The following VWA5B1 variants were observed in gnomAD, a reference collection of about 807,000 sequenced individuals.
VWA5B1 encodes the protein von Willebrand factor A domain-containing protein 5B1.
In VWA5B1, 115 loss-of-function variants were observed where a neutral mutation model predicts 118.2. The observed-to-expected ratio is 0.97, with a 90% CI of 0.84 to 1.14. VWA5B1 has a LOEUF of 1.14. Among genes scored for constraint, VWA5B1 ranks in the 50% most tolerant of loss-of-function variants. The pLI, the probability that VWA5B1 is intolerant of heterozygous loss-of-function variation, is 0.00. For synonymous variants in VWA5B1, 682 were observed against 658.4 expected, an observed-to-expected ratio of 1.04 and a Z score of -0.55; for missense variants, 1,596 against 1,603.8, an observed-to-expected ratio of 1.00 and a Z score of 0.08.
chr1:20,314,602 C>G lies in VWA5B1; in HGVS notation c.563+10C>G. 1 of 1,549,874 alleles carries G rather than the reference C, an allele frequency of 6.5e-7. No homozygotes were observed. The highest frequency in any genetic ancestry group is 8.7e-7 in the Non-Finnish European group (1 of 1,146,036). ...ACCAACAGGCCCAGGGGTAAGGAAG[C>G]CCTGCCCAGACCAATCAGAGTCCCA... On this transcript the variant is annotated intron_variant, in intron 4 of 21. Coordinates refer to ENST00000289815, the MANE Select transcript of VWA5B1 (RefSeq NM_001039500.3).
chr1:20,330,388 C>A lies in VWA5B1; in HGVS notation c.1457+6C>A, dbSNP rs566674041. On this transcript the variant is annotated splice_donor_region_variant and intron_variant, in intron 10 of 21. Coordinates refer to ENST00000289815, the MANE Select transcript of VWA5B1 (RefSeq NM_001039500.3). The stretch of plus-strand genomic sequence containing the variant: ...AATCACGCCTTCTCCACCAGGTCGG[C>A]CTTGGCTGAGGGTCTAGGCTCGGTG... 1 of 1,551,576 alleles carries A rather than the reference C, an allele frequency of 6.4e-7. No homozygotes were observed. Among genetic ancestry groups the A allele is most frequent in the Non-Finnish European group, 8.7e-7 (1 of 1,146,944 alleles).
At chr1:20,297,386 T>A (rs1008724947) in intron 1 of VWA5B1, among the ~76,000 whole-genome samples, 24 of 152,168 alleles carry the variant, frequency 1.6e-4, no homozygotes, top group African/African-American at 5.8e-4. Flanking sequence ...CAAGCACACA[T>A]TGGCTTTGAA....
chr1:20,354,499 A>G lies in VWA5B1; in HGVS notation c.*236A>G. On this transcript the variant is annotated 3_prime_UTR_variant, in exon 22 of 22. Transcript: ENST00000289815. Reference sequence around the variant, plus strand: ...GGGCCTCAGTTTCCTCATCTATAAAATAAGAGGGCGAGATGAAGGAGGTGG... The same window carrying G: ...GGGCCTCAGTTTCCTCATCTATAAAGTAAGAGGGCGAGATGAAGGAGGTGG... 1.8e-6 allele frequency: 1 copy of G among 561,070 alleles called. No individual in the cohort carries two copies. Among genetic ancestry groups the G allele is most frequent in the Non-Finnish European group, 3.1e-6 (1 of 319,544 alleles). The allele number at this position is 561,070 out of a possible 1,614,324, so 34.8% of individuals were successfully genotyped here. A position where few individuals can be genotyped will look rare whatever the true frequency, so the allele number is the denominator to read the frequency against.
At chr1:20,312,604 C>G (rs1396322545) in intron 2 of VWA5B1, among the ~76,000 whole-genome samples, 1 of 152,194 alleles carries the variant, frequency 6.6e-6, no homozygotes, top group African/African-American at 2.4e-5. Flanking sequence ...GAAGTTCTGG[C>G]CACACCAGGC....
intron 18 of VWA5B1, among the ~76,000 whole-genome samples, chr1:20,349,799 G>A (rs2090088338): frequency 6.7e-6 from 1 of 149,040 alleles, no homozygotes. Flanking sequence ...CTTAGCAATG[G>A]ACTAAGCACT....
rs145193241 is a variant in VWA5B1, at chr1:20,319,501, C to A, written c.961C>A (p.Arg321=). ...GATGAAGAAGAAGAGCAGAGCAGAG[C>A]GGAAGGTGAGGGCAACTGAGGTGGG... is the stretch of plus-strand genomic sequence containing the variant. ...KGMKKKSRAE[R]KTEIIRKRLH... The change falls in exon 7 of 22, where the codon CGG becomes AGG. Residue 321 remains arginine, a synonymous_variant. Transcript: ENST00000289815. 20 of 1,551,566 alleles carry A rather than the reference C, an allele frequency of 1.3e-5. No homozygotes were observed. In the Admixed American group the frequency reaches 2.4e-4, roughly 18 times the overall value.
chr1:20,318,568 C>T, intron 5 of VWA5B1, 22 bp from the exon 6 acceptor site: 1 of 1,551,152 alleles, frequency 6.4e-7, no homozygotes, highest in Non-Finnish European at 8.7e-7. Context: ...CTATATCCCC[C>T]TTGCCTTTCT....
intron 1 of VWA5B1, among the ~76,000 whole-genome samples, chr1:20,299,529 A>G (rs1015324321): frequency 5.9e-5 from 9 of 152,080 alleles, no homozygotes; most frequent in Non-Finnish European, 7.4e-5. Context: ...TTAGCCTCCC[A>G]AGTAGCTGGG....
At chr1:20,295,142 C>A (rs1275263023) in intron 1 of VWA5B1, among the ~76,000 whole-genome samples, 5 of 152,028 alleles carry the variant, frequency 3.3e-5, no homozygotes, top group Non-Finnish European at 7.4e-5. Context: ...AGGGACCCAG[C>A]AGGATGAGTA....
chr1:20,328,244 A>AGT lies in VWA5B1; in HGVS notation c.1254+255_1254+256dup, dbSNP rs1329049850. Among the ~76,000 whole-genome samples, 6 of 151,926 alleles carry AGT rather than the reference A, an allele frequency of 3.9e-5. No individual in the cohort carries two copies. In the South Asian group the frequency reaches 1.0e-3, roughly 26 times the overall value. ...TAGAATCAAACAATATTTTGGGCAA[A>AGT]GTGTGTGTGTGTACAGAAATGAGGT... On this transcript the variant is annotated intron_variant, in intron 9 of 21. Transcript: ENST00000289815.
intron 1 of VWA5B1, among the ~76,000 whole-genome samples, chr1:20,301,995 G>T (rs538096768): frequency 6.6e-6 from 1 of 152,132 alleles, no homozygotes. Flanking sequence ...CTTTTCACAC[G>T]CTTAGCCCAG....
intron 1 of VWA5B1, among the ~76,000 whole-genome samples, chr1:20,291,358 T>TTTCTCTC (rs2088297601): frequency 8.1e-6 from 1 of 123,720 alleles, no homozygotes; most frequent in Non-Finnish European, 1.6e-5. Context: ...TCTTTCTTTC[T>TTTCTCTC]TTCTCTCTCT....
Position 20,354,262 on chromosome 1 carries a change from A to G in VWA5B1, c.3647A>G (p.Ter1216TrpextTer32). 1 of 1,394,070 alleles carries G rather than the reference A, an allele frequency of 7.2e-7. No individual in the cohort carries two copies. Among genetic ancestry groups the G allele is most frequent in the Non-Finnish European group, 9.6e-7 (1 of 1,036,456 alleles). The allele number at this position is 1,394,070 out of a possible 1,614,324, so 86.4% of individuals were successfully genotyped here. A position where few individuals can be genotyped will look rare whatever the true frequency, so the allele number is the denominator to read the frequency against. The change falls in exon 22 of 22, where the codon TAG (stop) becomes TGG (tryptophan). Residue 1216 changes from the stop codon to tryptophan (W), a stop_lost. Transcript: ENST00000289815. The stretch of plus-strand genomic sequence containing the variant: ...CTCTGCTATAACCCGAATTATGTGT[A>G]GTTGAGTGACGGGGAGGCTGGGTGG... ...NMLCYNPNYV[*>W]
intron 9 of VWA5B1, among the ~76,000 whole-genome samples, chr1:20,328,997 C>T (rs903368650): frequency 2.6e-5 from 4 of 152,148 alleles, no homozygotes; most frequent in Non-Finnish European, 5.9e-5. Context: ...ACGCAGCAGT[C>T]TATCATGAAT....
chr1:20,341,283 G>A (rs1210914508), intron 14 of VWA5B1, among the ~76,000 whole-genome samples: 2 of 152,134 alleles, frequency 1.3e-5, no homozygotes, highest in East Asian at 3.8e-4. Flanking sequence ...CTTGCACATC[G>A]ATATTTGCAC....
intron 19 of VWA5B1, 29 bp downstream of exon 19, chr1:20,350,259 A>C (rs1000173985): frequency 5.8e-6 from 9 of 1,550,180 alleles, no homozygotes; most frequent in Non-Finnish European, 7.0e-6. Flanking sequence ...CTGCCTCTTC[A>C]TCAAGATGGT....
At chr1:20,347,444 CT>C (rs58475160) in intron 17 of VWA5B1, among the ~76,000 whole-genome samples, 8,153 of 145,822 alleles carry the variant, frequency 0.056, 692 homozygotes, top group African/African-American at 0.19. Flanking sequence ...TCTTCTTCTT[CT>C]TTTTTTTTTT....
Position 20,343,241 on chromosome 1 carries a change from G to A in VWA5B1, c.2474G>A (p.Trp825Ter). The change falls in exon 16 of 22, where the codon TGG becomes TAG. Residue 825 changes from tryptophan to a stop codon, truncating the protein, a stop_gained. Coordinates refer to ENST00000289815, the MANE Select transcript of VWA5B1 (RefSeq NM_001039500.3). LOFTEE classifies it high-confidence loss of function. ...KGLHDSQRLQWEVSFELGTPG... is the reference protein window; with the variant it reads ...KGLHDSQRLQ Reference sequence around the variant, plus strand: ...CTGCACGACAGCCAACGCCTGCAGTGGGAGGTGAGCTTCGAGCTGGGGACC... The same window carrying A: ...CTGCACGACAGCCAACGCCTGCAGTAGGAGGTGAGCTTCGAGCTGGGGACC... The A allele has an allele frequency of 6.5e-7, 1 of 1,549,254 alleles. No individual in the cohort carries two copies. Among genetic ancestry groups the A allele is most frequent in the Non-Finnish European group, 8.7e-7 (1 of 1,146,782 alleles).
At chr1:20,298,502 A>C (rs1018681956) in intron 1 of VWA5B1, among the ~76,000 whole-genome samples, 2 of 151,970 alleles carry the variant, frequency 1.3e-5, no homozygotes, top group African/African-American at 4.8e-5. Flanking sequence ...CTTCCCCTAC[A>C]CAGGGCAAAG....
Sources: allele counts gnomAD v4.1 joint callset (sites outside exome capture counted in the v4.1 genomes callset), GRCh38; gene constraint gnomAD v4.1.1; transcripts MANE v1.5; gene names NCBI Gene and HGNC (gene_info 2026-07-23, HGNC 2026-07-21).